MICAL2: variants seen among roughly 807,000 people sequenced by gnomAD.
The protein encoded by MICAL2 is [F-actin]-monooxygenase MICAL2.
MICAL2 carries 77 observed loss-of-function variants against 127.3 expected under a neutral mutation model. The ratio of observed to expected loss-of-function variants is 0.60; its 90% confidence interval spans 0.50 to 0.73. The LOEUF is 0.73. MICAL2 is among the 30% of genes least tolerant of loss of function. The pLI, the probability that MICAL2 is intolerant of heterozygous loss-of-function variation, is 0.00. For missense variants in MICAL2, 1,351 were observed against 1,434.4 expected (o/e 0.94, Z 0.94); for synonymous variants, 570 against 551.1 (o/e 1.03, Z -0.48).
At chr11:12,329,165 A>G (rs1046319089) in intron 32 of MICAL2, among the ~76,000 whole-genome samples, 2 of 152,178 alleles carry the variant, frequency 1.3e-5, no homozygotes, top group Non-Finnish European at 2.9e-5. Context: ...TGTTTTTTTT[A>G]CTACAATGCA....
At chr11:12,232,687 A>T (rs1429755207) in intron 15 of MICAL2, among the ~76,000 whole-genome samples, 1 of 152,174 alleles carries the variant, frequency 6.6e-6, no homozygotes, top group African/African-American at 2.4e-5. Context: ...ACACCACTGC[A>T]CTCCAGCCTG....
At chr11:12,196,306 G>A (rs1340579440) in intron 3 of MICAL2, 4 of 152,664 alleles carry the variant, frequency 2.6e-5, no homozygotes, top group East Asian at 1.9e-4. Flanking sequence ...GCAGGTTTTT[G>A]CAGGGAGGGA....
intron 1 of MICAL2, among the ~76,000 whole-genome samples, chr11:12,126,823 G>T (rs543294257): frequency 9.2e-5 from 14 of 152,168 alleles, no homozygotes; most frequent in Admixed American, 3.3e-4. Flanking sequence ...AGGCAGCGGT[G>T]GGTGTGGGGA....
At chr11:12,322,934 G>A (rs965246718) in intron 30 of MICAL2, among the ~76,000 whole-genome samples, 3 of 152,118 alleles carry the variant, frequency 2.0e-5, no homozygotes, top group Non-Finnish European at 4.4e-5. Flanking sequence ...CTACAAAGTA[G>A]GCAGTAAATT....
At chr11:12,354,868 T>C in intron 34 of MICAL2, 1 of 1,612,716 alleles carries the variant, frequency 6.2e-7, no homozygotes, top group East Asian at 2.2e-5. Flanking sequence ...GTGAGTATGC[T>C]TGGGCCTTTG....
chr11:12,349,301 G>GTAT (rs1939007459), intron 32 of MICAL2, among the ~76,000 whole-genome samples: 1 of 152,068 alleles, frequency 6.6e-6, no homozygotes, highest in Non-Finnish European at 1.5e-5. Context: ...AATAACTTTT[G>GTAT]TATTATTATT....
chr11:12,341,402 C>T (rs1012268352), intron 32 of MICAL2, among the ~76,000 whole-genome samples: 1 of 151,958 alleles, frequency 6.6e-6, no homozygotes, highest in African/African-American at 2.4e-5. Context: ...GGATAAAAAA[C>T]ACACACCAAT....
chr11:12,310,726 T>C (rs1466902402), intron 29 of MICAL2, among the ~76,000 whole-genome samples: 1 of 152,152 alleles, frequency 6.6e-6, no homozygotes. Flanking sequence ...CATTGGTATT[T>C]TGATAGGGGT....
At chr11:12,217,300 T>C (rs1339226628) in intron 8 of MICAL2, among the ~76,000 whole-genome samples, 2 of 152,232 alleles carry the variant, frequency 1.3e-5, no homozygotes, top group Non-Finnish European at 2.9e-5. Context: ...TTCCTGCGTG[T>C]GCTGGCAGCC....
At chr11:12,137,736 C>T (rs996952447) in intron 1 of MICAL2, among the ~76,000 whole-genome samples, 67 of 152,080 alleles carry the variant, frequency 4.4e-4, no homozygotes, top group African/African-American at 1.5e-3. Context: ...TTTGAGGTTA[C>T]CTCTTAAATA....
At chr11:12,218,816 T>C (rs879418962) in intron 8 of MICAL2, among the ~76,000 whole-genome samples, 14 of 152,234 alleles carry the variant, frequency 9.2e-5, no homozygotes, top group Admixed American at 7.8e-4. Flanking sequence ...GTGGTCACTC[T>C]GGCTGTAAAT....
intron 32 of MICAL2, among the ~76,000 whole-genome samples, chr11:12,344,412 T>C (rs796914059): frequency 1.3e-4 from 20 of 151,602 alleles, no homozygotes; most frequent in African/African-American, 4.6e-4. Flanking sequence ...TTGGAGCACA[T>C]TTTCCGTTTT....
chr11:12,230,650 C>A (rs1858117521), intron 15 of MICAL2, among the ~76,000 whole-genome samples: 2 of 152,144 alleles, frequency 1.3e-5, no homozygotes, highest in Non-Finnish European at 2.9e-5. Flanking sequence ...TCTGCTGGTT[C>A]TCTGCTGAGT....
chr11:12,345,782 C>T lies in MICAL2; in HGVS notation c.5516-4056C>T, dbSNP rs368690148. Among the ~76,000 whole-genome samples the T allele has an allele frequency of 1.1e-4, 17 of 152,150 alleles. No homozygotes were observed. The South Asian group carries it at 3.5e-3, about 32-fold the overall frequency. ...TAAAAAGACTTCTGCAATCTCTGGG[C>T]ATAGGATGAAGGTGTGAGAGAGAGG... On this transcript the variant is annotated intron_variant, in intron 32 of 34. Coordinates refer to the MICAL2 transcript ENST00000646065.
At chr11:12,239,359 T>C in intron 16 of MICAL2, 77 bp from the exon 17 acceptor site, 3 of 1,597,234 alleles carry the variant, frequency 1.9e-6, no homozygotes, top group Non-Finnish European at 2.6e-6. Context: ...TAGTCCCACG[T>C]CCTGAGTCCC....
chr11:12,312,150 A>T (rs973997041), intron 29 of MICAL2, among the ~76,000 whole-genome samples: 1 of 151,672 alleles, frequency 6.6e-6, no homozygotes, highest in Non-Finnish European at 1.5e-5. Flanking sequence ...TTGCTTAATC[A>T]TTCTTAATTT....
intron 1 of MICAL2, among the ~76,000 whole-genome samples, chr11:12,116,046 T>A (rs1849993742): frequency 6.7e-6 from 1 of 150,076 alleles, no homozygotes; most frequent in East Asian, 2.0e-4. Flanking sequence ...AGTGGGGCCA[T>A]CTTGGCTCAC....
intron 1 of MICAL2, among the ~76,000 whole-genome samples, chr11:12,137,900 GT>G (rs1314888963): frequency 6.6e-6 from 1 of 152,162 alleles, no homozygotes; most frequent in African/African-American, 2.4e-5. Flanking sequence ...AGAAAAATTA[GT>G]TTAGGAAACT....
intron 29 of MICAL2, among the ~76,000 whole-genome samples, chr11:12,298,635 G>C (rs1864013103): frequency 6.6e-6 from 1 of 152,102 alleles, no homozygotes; most frequent in Admixed American, 6.5e-5. Flanking sequence ...GGTTGACTGA[G>C]ATATATTTTA....
Sources: allele counts gnomAD v4.1 joint callset (sites outside exome capture counted in the v4.1 genomes callset), GRCh38; gene constraint gnomAD v4.1.1; transcripts MANE v1.5; gene names NCBI Gene and HGNC (gene_info 2026-07-23, HGNC 2026-07-21).